The following PXDNL variants were observed in gnomAD, a reference collection of about 807,000 sequenced individuals.
PXDNL encodes the protein probable oxidoreductase PXDNL.
A neutral mutation model predicts 150.8 loss-of-function variants in PXDNL; 145 were observed. That is an observed-to-expected ratio of 0.96 (90% CI 0.84 to 1.10). The LOEUF is 1.10. PXDNL is among the 50% of genes least tolerant of loss of function. PXDNL has a pLI of 0.00. For synonymous variants in PXDNL, 757 were observed against 725.7 expected (o/e 1.04, Z -0.69); for missense variants, 2,087 against 1,873.9 (o/e 1.11, Z -2.10).
intron 19 of PXDNL, among the ~76,000 whole-genome samples, chr8:51,354,324 T>A (rs574282315): frequency 6.6e-6 from 1 of 152,214 alleles, no homozygotes; most frequent in Non-Finnish European, 1.5e-5. Flanking sequence ...CTTATTTGAT[T>A]ATGGCACAAA....
chr8:51,408,357 G>T lies in PXDNL; in HGVS notation c.3267C>A (p.Ser1089=). ...CTATCCCACCTTCCTTGATTATTCT[G>T]GACGGTGAAAAGAGCGCTTTATGGA... ...LPFHKALFSP[S]RIIKEGGIDP... Residue 1089 remains serine, a synonymous_variant, in exon 17 of 23, where the codon TCC becomes TCA. Transcript: ENST00000356297. 1 of 1,614,028 alleles carries T rather than the reference G, an allele frequency of 6.2e-7. No individual in the cohort carries two copies. Among genetic ancestry groups the T allele is most frequent in the Non-Finnish European group, 8.5e-7 (1 of 1,179,908 alleles).
chr8:51,359,819 G>C (rs6989113), intron 19 of PXDNL, among the ~76,000 whole-genome samples: 1 of 151,936 alleles, frequency 6.6e-6, no homozygotes, highest in African/African-American at 2.4e-5. Flanking sequence ...GGCACCTATC[G>C]CACCTATCCA....
chr8:51,794,509 T>A (rs939426064), intron 1 of PXDNL, among the ~76,000 whole-genome samples: 3 of 152,172 alleles, frequency 2.0e-5, no homozygotes, highest in Admixed American at 6.5e-5. Context: ...GTGGCCAATA[T>A]TAAACATTCT....
chr8:51,569,568 G>A (rs1812888818), intron 3 of PXDNL, among the ~76,000 whole-genome samples: 12 of 151,790 alleles, frequency 7.9e-5, no homozygotes, highest in Admixed American at 7.9e-4. Context: ...CCTTCAAAAA[G>A]GATTAGGAAT....
At chr8:51,760,696 A>T (rs2130995945) in intron 1 of PXDNL, among the ~76,000 whole-genome samples, 1 of 152,264 alleles carries the variant, frequency 6.6e-6, no homozygotes, top group East Asian at 1.9e-4. Context: ...GAGTGCCCAT[A>T]GTCATAATCA....
At position 51,763,222 on chromosome 8, in the gene PXDNL, C is replaced by T. The variant is rs149799792; in HGVS notation, c.164+45959G>A. Among the ~76,000 whole-genome samples, 73 of 151,830 alleles carry T rather than the reference C, an allele frequency of 4.8e-4. 1 individual carries two copies. The highest frequency in any genetic ancestry group is 1.1e-3 in the African/African-American group (47 of 41,382). ...AGCGTTTTGTGACTGGCTTCTTTCACTTAGCAAAAATGTTTTCAAATATCA... is the reference window on the plus strand; with the variant it reads ...AGCGTTTTGTGACTGGCTTCTTTCATTTAGCAAAAATGTTTTCAAATATCA... On this transcript the variant is annotated intron_variant, in intron 1 of 22. Transcript: ENST00000356297.
intron 5 of PXDNL, among the ~76,000 whole-genome samples, chr8:51,498,462 A>C (rs902910640): frequency 3.9e-5 from 6 of 152,064 alleles, no homozygotes; most frequent in Non-Finnish European, 5.9e-5. Flanking sequence ...TAAATTTATT[A>C]ATATAAGGTA....
intron 2 of PXDNL, among the ~76,000 whole-genome samples, chr8:51,630,680 A>C (rs1814470908): frequency 6.6e-6 from 1 of 152,210 alleles, no homozygotes; most frequent in Non-Finnish European, 1.5e-5. Context: ...ATATGAAAAA[A>C]TGCTCAACAT....
chr8:51,410,816 AAAATC>A (rs1485556971), intron 16 of PXDNL, among the ~76,000 whole-genome samples: 2 of 152,210 alleles, frequency 1.3e-5, no homozygotes, highest in East Asian at 3.8e-4. Flanking sequence ...CAAAAAAACA[AAAATC>A]AAAAGAACTG....
At chr8:51,404,815 T>G (rs1262076507) in intron 17 of PXDNL, among the ~76,000 whole-genome samples, 5 of 152,196 alleles carry the variant, frequency 3.3e-5, no homozygotes, top group African/African-American at 1.2e-4. Flanking sequence ...TCCCACGCAG[T>G]GCGCCGGCAC....
At chr8:51,496,666 A>G (rs972394562) in intron 5 of PXDNL, among the ~76,000 whole-genome samples, 3 of 152,218 alleles carry the variant, frequency 2.0e-5, no homozygotes, top group Non-Finnish European at 1.5e-5. Context: ...GAGCCAAATC[A>G]TGAGTGAAAT....
chr8:51,768,540 T>A (rs1248234653), intron 1 of PXDNL, among the ~76,000 whole-genome samples: 3 of 152,216 alleles, frequency 2.0e-5, no homozygotes, highest in African/African-American at 7.2e-5. Flanking sequence ...AGAAAACTCA[T>A]GATGTCAATA....
chr8:51,430,613 G>A (rs1462843501), intron 12 of PXDNL, among the ~76,000 whole-genome samples: 2 of 152,158 alleles, frequency 1.3e-5, no homozygotes, highest in African/African-American at 2.4e-5. Context: ...TTTCTGGAAC[G>A]CACCTTTGTT....
chr8:51,670,891 T>C (rs887138011), intron 1 of PXDNL, among the ~76,000 whole-genome samples: 13 of 152,204 alleles, frequency 8.5e-5, no homozygotes, highest in African/African-American at 2.9e-4. Context: ...ACCATTAGTC[T>C]GTATTAGCTT....
intron 3 of PXDNL, among the ~76,000 whole-genome samples, chr8:51,581,338 A>C (rs1034338237): frequency 6.6e-6 from 1 of 151,974 alleles, no homozygotes; most frequent in Non-Finnish European, 1.5e-5. Flanking sequence ...AATACAAAAA[A>C]ATTAGCTGGG....
chr8:51,629,507 C>G (rs941432997), intron 2 of PXDNL, among the ~76,000 whole-genome samples: 2 of 152,056 alleles, frequency 1.3e-5, no homozygotes, highest in African/African-American at 4.8e-5. Context: ...AAGAATACTT[C>G]AAGAAATAGT....
At chr8:51,733,008 T>A (rs10448020) in intron 1 of PXDNL, among the ~76,000 whole-genome samples, 181 of 152,310 alleles carry the variant, frequency 1.2e-3, no homozygotes, top group Middle Eastern at 6.8e-3. Context: ...AAACCCCAGG[T>A]GCCCTGTGGC....
chr8:51,442,286 T>C (rs1189052535), intron 12 of PXDNL, among the ~76,000 whole-genome samples: 1 of 149,756 alleles, frequency 6.7e-6, no homozygotes, highest in Non-Finnish European at 1.5e-5. Context: ...TATCATGTGT[T>C]TCAGTATCTA....
intron 4 of PXDNL, among the ~76,000 whole-genome samples, chr8:51,542,188 T>C (rs1435829899): frequency 6.9e-6 from 1 of 144,462 alleles, no homozygotes; most frequent in Non-Finnish European, 1.5e-5. Flanking sequence ...TAAAAACTGG[T>C]TTCACACTCA....
Sources: gnomAD v4.1 joint callset for allele counts (sites outside exome capture counted in the v4.1 genomes callset) on GRCh38, gnomAD v4.1.1 for gene constraint, MANE v1.5 for transcripts, NCBI Gene and HGNC (gene_info 2026-07-23, HGNC 2026-07-21) for gene names.